Variants in PCDH15 observed in about 807,000 individuals in gnomAD.
PCDH15 encodes the protein protocadherin-15.
PCDH15 carries 129 observed loss-of-function variants against 178.5 expected under a neutral mutation model. That is an observed-to-expected ratio of 0.72 (90% CI 0.63 to 0.84). The LOEUF (loss-of-function observed/expected upper bound fraction) is 0.84, where lower values mean the gene tolerates loss of function less well. Ranked by LOEUF, PCDH15 falls within the 40% of genes least tolerant of loss-of-function variation. The pLI, the probability that PCDH15 is intolerant of heterozygous loss-of-function variation, is 0.00. For missense variants in PCDH15, 2,230 were observed against 2,099.9 expected (o/e 1.06, Z -1.21); for synonymous variants, 800 against 732.0 (o/e 1.09, Z -1.50).
At chr10:54,417,891 A>G (rs1954679421) in intron 3 of PCDH15, among the ~76,000 whole-genome samples, 1 of 152,188 alleles carries the variant, frequency 6.6e-6, no homozygotes, top group South Asian at 2.1e-4. Flanking sequence ...TCACAGGTAC[A>G]CATGCTATTT....
intron 1 of PCDH15, among the ~76,000 whole-genome samples, chr10:54,716,702 TC>T (rs2095483807): frequency 6.6e-6 from 1 of 152,034 alleles, no homozygotes; most frequent in Admixed American, 6.6e-5. Flanking sequence ...AATCATAGAT[TC>T]AATGCCATCC....
chr10:54,176,031 A>C (rs561304862), intron 13 of PCDH15, among the ~76,000 whole-genome samples: 8 of 152,312 alleles, frequency 5.3e-5, no homozygotes, highest in African/African-American at 1.9e-4. Flanking sequence ...CTGTGAAGTT[A>C]GAGATCATCT....
chr10:53,877,677 TTC>T (rs780387730), intron 26 of PCDH15, among the ~76,000 whole-genome samples: 5 of 152,144 alleles, frequency 3.3e-5, no homozygotes, highest in Admixed American at 6.5e-5. Flanking sequence ...GTGGTTCTCC[TTC>T]TGTTTTTTCT....
chr10:54,882,667 TAGATTA>T (rs777909476), intron 3 of PCDH15, among the ~76,000 whole-genome samples: 6 of 152,052 alleles, frequency 3.9e-5, no homozygotes, highest in Admixed American at 1.3e-4. Flanking sequence ...GGATATAAAA[TAGATTA>T]AGATTAAGAA....
chr10:55,464,057 GAAAGAAAAGGAAAGAAAGGGAAAGAAGA>G (rs1839773462), intron 2 of PCDH15, among the ~76,000 whole-genome samples: 1 of 120,710 alleles, frequency 8.3e-6, no homozygotes, highest in African/African-American at 2.8e-5. Flanking sequence ...AAGAAAGAAA[GAAAGAAAAGGAAAGAAAGGGAAAGAAGA>G]AAAGAAAAGG....
intron 2 of PCDH15, among the ~76,000 whole-genome samples, chr10:54,647,993 C>T (rs1475069346): frequency 1.3e-5 from 2 of 152,104 alleles, no homozygotes; most frequent in South Asian, 2.1e-4. Flanking sequence ...TTCCTCCATT[C>T]TCTCTTGAGC....
intron 2 of PCDH15, among the ~76,000 whole-genome samples, chr10:55,149,175 G>A (rs2799595): frequency 0.9 from 136,442 of 151,414 alleles, 62,149 homozygotes; most frequent in Non-Finnish European, 0.97. Flanking sequence ...TTAAATGACA[G>A]AAAACATGAT....
intron 2 of PCDH15, among the ~76,000 whole-genome samples, chr10:54,548,763 GACA>G (rs1307011852): frequency 6.6e-6 from 1 of 150,724 alleles, no homozygotes; most frequent in Non-Finnish European, 1.5e-5. Flanking sequence ...GGTTTTTGGT[GACA>G]ACATTTTCCT....
intron 26 of PCDH15, among the ~76,000 whole-genome samples, chr10:53,878,927 T>C (rs2080484917): frequency 6.6e-6 from 1 of 152,104 alleles, no homozygotes; most frequent in Admixed American, 6.6e-5. Flanking sequence ...ATTTGTAAAA[T>C]GAGGAAAATA....
chr10:54,088,032 C>T (rs1038664040), intron 16 of PCDH15, among the ~76,000 whole-genome samples: 8 of 152,146 alleles, frequency 5.3e-5, no homozygotes, highest in Non-Finnish European at 1.0e-4. Flanking sequence ...AGAGCAGGTG[C>T]CAGCATCATG....
chr10:54,463,175 C>T (rs1023883055), intron 3 of PCDH15, among the ~76,000 whole-genome samples: 8 of 152,030 alleles, frequency 5.3e-5, no homozygotes, highest in South Asian at 2.1e-4. Context: ...TGAGTGAATG[C>T]CAATAGGCCA....
intron 2 of PCDH15, among the ~76,000 whole-genome samples, chr10:55,579,900 AG>A (rs1388027787): frequency 3.9e-5 from 6 of 152,106 alleles, no homozygotes; most frequent in African/African-American, 7.2e-5. Flanking sequence ...CTTGTTGTCC[AG>A]GCTGGAGTGC....
intron 2 of PCDH15, among the ~76,000 whole-genome samples, chr10:55,061,228 A>G (rs1462342396): frequency 2.6e-5 from 4 of 152,214 alleles, no homozygotes; most frequent in African/African-American, 9.6e-5. Context: ...AAAAAGTAAG[A>G]CATCCAATTT....
At chr10:53,913,795 G>A (rs915357265) in intron 25 of PCDH15, among the ~76,000 whole-genome samples, 1 of 151,690 alleles carries the variant, frequency 6.6e-6, no homozygotes, top group African/African-American at 2.4e-5. Flanking sequence ...CTTCTGCACA[G>A]CAAAATAAGC....
chr10:55,551,987 AAC>A (rs1435695137), intron 2 of PCDH15, among the ~76,000 whole-genome samples: 1 of 151,740 alleles, frequency 6.6e-6, no homozygotes, highest in Non-Finnish European at 1.5e-5. Context: ...GTATTTAAAT[AAC>A]ACATCTAAAC....
chr10:54,547,309 G>A (rs983755779), intron 2 of PCDH15, among the ~76,000 whole-genome samples: 2 of 151,928 alleles, frequency 1.3e-5, no homozygotes, highest in Non-Finnish European at 2.9e-5. Context: ...TATTCTCTTT[G>A]TTTACTATTA....
chr10:53,972,202 T>C (rs35726931), intron 21 of PCDH15, among the ~76,000 whole-genome samples: 17,230 of 152,186 alleles, frequency 0.11, 1,004 homozygotes, highest in East Asian at 0.12. Context: ...ATTCCCTATT[T>C]AATAAATGGT....
chr10:55,158,172 G>GCA (rs1564847575), intron 2 of PCDH15, among the ~76,000 whole-genome samples: 1 of 149,712 alleles, frequency 6.7e-6, no homozygotes, highest in Non-Finnish European at 1.5e-5. Context: ...ACACACACAC[G>GCA]CACACACATT....
At chr10:55,220,260 C>T (rs1840832969) in intron 1 of PCDH15, among the ~76,000 whole-genome samples, 1 of 151,918 alleles carries the variant, frequency 6.6e-6, no homozygotes, top group African/African-American at 2.4e-5. Context: ...ACGAGATAAC[C>T]TGATGTTTCC....
Sources: allele counts gnomAD v4.1 joint callset (sites outside exome capture counted in the v4.1 genomes callset), GRCh38; gene constraint gnomAD v4.1.1; transcripts MANE v1.5; gene names NCBI Gene and HGNC (gene_info 2026-07-23, HGNC 2026-07-21).